The following SMOC1 variants were observed in gnomAD, a reference collection of about 807,000 sequenced individuals.
SMOC1 encodes SPARC related modular calcium binding 1.
Under a neutral mutation model 56.3 loss-of-function variants are expected in SMOC1, and 22 were observed. The observed-to-expected ratio is 0.39, with a 90% CI of 0.28 to 0.56. SMOC1 has a LOEUF of 0.56. Among genes scored for constraint, SMOC1 ranks in the 20% least tolerant of loss-of-function variants. The probability of loss-of-function intolerance (pLI) is 0.61; values close to 1 mark genes in which losing one functional copy is unlikely to be tolerated. For synonymous variants in SMOC1, 193 were observed against 215.0 expected (o/e 0.90, Z 0.89); for missense variants, 509 against 565.4 (o/e 0.90, Z 1.01).
chr14:69,992,345 G>A (rs909325430), intron 5 of SMOC1, 72 bp from the exon 6 acceptor site: 1 of 1,470,934 alleles, frequency 6.8e-7, no homozygotes, highest in Non-Finnish European at 9.5e-7. Context: ...CCATTCAACA[G>A]TGCTGGAGAG....
intron 1 of SMOC1, among the ~76,000 whole-genome samples, chr14:69,888,897 G>T (rs993928552): frequency 2.6e-5 from 4 of 152,160 alleles, no homozygotes; most frequent in Non-Finnish European, 5.9e-5. Context: ...TGTTATAAAA[G>T]GACGTGTATT....
chr14:69,985,690 A>G (rs1187465670), intron 5 of SMOC1, among the ~76,000 whole-genome samples: 1 of 152,236 alleles, frequency 6.6e-6, no homozygotes, highest in Non-Finnish European at 1.5e-5. Context: ...GATGTGAATC[A>G]TGACTTTGTC....
At chr14:69,935,389 A>G (rs941458574) in intron 1 of SMOC1, among the ~76,000 whole-genome samples, 3 of 152,176 alleles carry the variant, frequency 2.0e-5, no homozygotes, top group Non-Finnish European at 4.4e-5. Context: ...TACAAGACCA[A>G]ACACTCCAGC....
At chr14:69,899,816 A>G (rs1202764831) in intron 1 of SMOC1, among the ~76,000 whole-genome samples, 1 of 152,050 alleles carries the variant, frequency 6.6e-6, no homozygotes, top group Non-Finnish European at 1.5e-5. Context: ...AGGCTTTCCT[A>G]CCTAAACTGT....
At chr14:69,927,859 A>G (rs1388873554) in intron 1 of SMOC1, among the ~76,000 whole-genome samples, 1 of 152,084 alleles carries the variant, frequency 6.6e-6, no homozygotes, top group Non-Finnish European at 1.5e-5. Flanking sequence ...TTCCGCAGGG[A>G]CTTTCAGGTC....
intron 3 of SMOC1, among the ~76,000 whole-genome samples, chr14:69,975,055 A>C (rs1042590450): frequency 6.6e-6 from 1 of 152,076 alleles, no homozygotes; most frequent in African/African-American, 2.4e-5. Context: ...CAAGGATTAG[A>C]ATTTTTGACT....
At position 70,030,606 on chromosome 14, in the gene SMOC1, A is replaced by G. The variant is rs1886115238; in HGVS notation, c.*348A>G. 2 of 289,102 alleles carry G rather than the reference A, an allele frequency of 6.9e-6. No individual in the cohort carries two copies. 17.9% of individuals were successfully genotyped at this position (289,102 alleles called of 1,614,324 possible). ...AGAGATTTATATGCTGTATATAAAT[A>G]TATATGTAAATTGTATAGTTCTTTT... On this transcript the variant is annotated 3_prime_UTR_variant, in exon 12 of 12. Transcript: ENST00000361956.
intron 5 of SMOC1, among the ~76,000 whole-genome samples, chr14:69,987,887 A>C (rs936964353): frequency 3.9e-5 from 6 of 152,196 alleles, no homozygotes; most frequent in African/African-American, 1.4e-4. Context: ...CACAGAGCCC[A>C]TGCGGGGGCT....
At chr14:69,893,253 T>C (rs1257579960) in intron 1 of SMOC1, among the ~76,000 whole-genome samples, 4 of 152,218 alleles carry the variant, frequency 2.6e-5, no homozygotes, top group Admixed American at 2.6e-4. Flanking sequence ...TTAGCACCCA[T>C]TGATGATCAT....
At chr14:69,998,298 C>A (rs963584422) in intron 7 of SMOC1, among the ~76,000 whole-genome samples, 1 of 152,176 alleles carries the variant, frequency 6.6e-6, no homozygotes, top group Admixed American at 6.5e-5. Context: ...CCAGGAATTC[C>A]TTTTGCATTC....
intron 1 of SMOC1, among the ~76,000 whole-genome samples, chr14:69,930,167 A>ACCCCTGACAGCAACCTTCCCACT (rs1885122480): frequency 7.3e-6 from 1 of 136,726 alleles, no homozygotes; most frequent in African/African-American, 3.4e-5. Flanking sequence ...CAGTGACTGT[A>ACCCCTGACAGCAACCTTCCCACT]CCCCTGACAG....
chr14:69,934,352 C>T (rs1043546192), intron 1 of SMOC1, among the ~76,000 whole-genome samples: 4 of 152,216 alleles, frequency 2.6e-5, no homozygotes, highest in Non-Finnish European at 4.4e-5. Context: ...TCTCCATCCA[C>T]CGAGGCATAC....
chr14:69,948,794 A>T (rs1432615434), intron 1 of SMOC1, among the ~76,000 whole-genome samples: 2 of 152,172 alleles, frequency 1.3e-5, no homozygotes, highest in African/African-American at 2.4e-5. Context: ...ACACCACCCT[A>T]TGAGGCAAGG....
intron 1 of SMOC1, chr14:69,885,376 C>T (rs931362956): frequency 1.3e-6 from 2 of 1,597,626 alleles, no homozygotes; most frequent in East Asian, 2.2e-5. Flanking sequence ...TAGCCTTTGC[C>T]TTTTTGCGCT....
At chr14:70,030,181 TTGCTTATATC>T in intron 11 of SMOC1, 51 bp from the exon 12 acceptor site, 1 of 1,607,478 alleles carries the variant, frequency 6.2e-7, no homozygotes, top group South Asian at 1.1e-5. Context: ...CTCTAACTTC[TTGCTTATATC>T]TGCCCCCGAC....
chr14:70,002,631 T>C (rs914143287), intron 7 of SMOC1, among the ~76,000 whole-genome samples: 1 of 151,986 alleles, frequency 6.6e-6, no homozygotes. Flanking sequence ...TGGCACTGAG[T>C]GGTGTGCGTG....
Position 69,879,592 on chromosome 14 carries a change from G to A in SMOC1, c.-87G>A, listed in dbSNP as rs1182749012. On this transcript the variant is annotated 5_prime_UTR_variant, in exon 1 of 12. Coordinates refer to ENST00000361956, the MANE Select transcript of SMOC1 (RefSeq NM_001034852.3). The stretch of plus-strand genomic sequence containing the variant: ...CGCTCCCCGCCGCCGCGAGGGCCCC[G>A]AGCGAAGGAAGGAAGGGAGGCGCGC... The A allele has an allele frequency of 1.8e-6, 2 of 1,099,962 alleles. No individual in the cohort carries two copies. Among genetic ancestry groups the A allele is most frequent in the Non-Finnish European group, 2.4e-6 (2 of 838,944 alleles). The allele number at this position is 1,099,962 out of a possible 1,614,324, so 68.1% of individuals were successfully genotyped here.
chr14:69,969,040 T>C (rs1363953427), intron 3 of SMOC1, among the ~76,000 whole-genome samples: 1 of 152,170 alleles, frequency 6.6e-6, no homozygotes, highest in Non-Finnish European at 1.5e-5. Context: ...GAGGAGGGGT[T>C]GTCATCGGAA....
chr14:70,011,519 G>T lies in SMOC1; in HGVS notation c.892G>T (p.Ala298Ser), dbSNP rs753935621. ...GCCCAGTTGTGAGAGCGACGCCAGG[G>T]CCAAGACTACAGAGGCGGATGACCC... ...VMPSCESDAR[A>S]KTTEADDPFK... The change falls in exon 9 of 12, where the codon GCC becomes TCC. Residue 298 changes from alanine to serine, a missense_variant. By Grantham distance (99) the Ala-to-Ser change is moderately conservative. Transcript: ENST00000361956. 22 of 1,613,358 alleles carry T rather than the reference G, an allele frequency of 1.4e-5. No individual in the cohort carries two copies. The highest frequency in any genetic ancestry group is 1.6e-4 in the Middle Eastern group (1 of 6,084).
Sources: allele counts gnomAD v4.1 joint callset (sites outside exome capture counted in the v4.1 genomes callset), GRCh38; gene constraint gnomAD v4.1.1; transcripts MANE v1.5; gene names NCBI Gene and HGNC (gene_info 2026-07-23, HGNC 2026-07-21).